Variants in ROBO2 observed in about 807,000 individuals in gnomAD.
The protein encoded by ROBO2 is roundabout guidance receptor 2.
In ROBO2, 53 loss-of-function variants were observed where a neutral mutation model predicts 160.8. The observed-to-expected ratio is 0.33, with a 90% CI of 0.26 to 0.41. The LOEUF is 0.41. Ranked by LOEUF, ROBO2 falls within the 10% of genes least tolerant of loss-of-function variation. The probability of loss-of-function intolerance (pLI) is 1.00; values close to 1 mark genes in which losing one functional copy is unlikely to be tolerated. For synonymous variants in ROBO2, 664 were observed against 611.7 expected, an observed-to-expected ratio of 1.09 and a Z score of -1.26; for missense variants, 1,577 against 1,722.4, an observed-to-expected ratio of 0.92 and a Z score of 1.49.
chr3:75,913,254 C>A (rs957851576), intron 1 of ROBO2, among the ~76,000 whole-genome samples: 1 of 152,146 alleles, frequency 6.6e-6, no homozygotes, highest in Non-Finnish European at 1.5e-5. Flanking sequence ...CCTGTGATTA[C>A]TTTGGACTCA....
intron 2 of ROBO2, among the ~76,000 whole-genome samples, chr3:76,985,575 GAAAAAAA>G (rs532632866): frequency 7.6e-4 from 20 of 26,372 alleles, no homozygotes; most frequent in Admixed American, 2.2e-3. Flanking sequence ...GACTCCGTCT[GAAAAAAA>G]AAAAAAAAAA....
intron 2 of ROBO2, among the ~76,000 whole-genome samples, chr3:76,558,688 A>C (rs1396204600): frequency 6.6e-6 from 1 of 152,148 alleles, no homozygotes. Context: ...TGATGCAAAC[A>C]AGTTTCTCAC....
chr3:77,275,969 A>G (rs1339172518), intron 2 of ROBO2, among the ~76,000 whole-genome samples: 2 of 152,152 alleles, frequency 1.3e-5, no homozygotes, highest in Non-Finnish European at 2.9e-5. Flanking sequence ...ATGACATCCA[A>G]TTGTTTTCCC....
intron 1 of ROBO2, among the ~76,000 whole-genome samples, chr3:75,907,709 GAGAA>G (rs1259412603): frequency 6.6e-6 from 1 of 152,180 alleles, no homozygotes; most frequent in Admixed American, 6.5e-5. Flanking sequence ...TTAACACTGA[GAGAA>G]AGGCAACTTT....
At chr3:76,007,100 G>T (rs1169490762) in intron 2 of ROBO2, among the ~76,000 whole-genome samples, 7 of 152,036 alleles carry the variant, frequency 4.6e-5, no homozygotes, top group Admixed American at 3.9e-4. Flanking sequence ...GTCAAATGAT[G>T]AGTTCAGTAT....
intron 2 of ROBO2, chr3:76,311,390 C>G (rs1242761489): frequency 1.3e-5 from 2 of 152,166 alleles, no homozygotes; most frequent in Admixed American, 1.3e-4. Context: ...GACCCGGACC[C>G]CCTGGAAAGG....
chr3:77,458,745 A>T (rs1412070940), intron 2 of ROBO2, among the ~76,000 whole-genome samples: 1 of 152,190 alleles, frequency 6.6e-6, no homozygotes, highest in Non-Finnish European at 1.5e-5. Context: ...ATAATAACTG[A>T]TTATAATGAA....
At chr3:77,583,199 A>G (rs2093964973) in intron 16 of ROBO2, among the ~76,000 whole-genome samples, 2 of 150,676 alleles carry the variant, frequency 1.3e-5, no homozygotes. Context: ...CAGTCCCCTC[A>G]GCTTCCATGA....
intron 2 of ROBO2, among the ~76,000 whole-genome samples, chr3:77,433,510 A>ATATATATATATATATATATATATATG (rs1553954820): frequency 1.5e-5 from 2 of 129,128 alleles, no homozygotes; most frequent in Non-Finnish European, 1.6e-5. Flanking sequence ...ATATATATAT[A>ATATATATATATATATATATATATATG]TATATATATT....
chr3:77,348,812 T>TGACTAAC (rs1171836074), intron 2 of ROBO2, among the ~76,000 whole-genome samples: 3 of 152,140 alleles, frequency 2.0e-5, no homozygotes, highest in Admixed American at 1.3e-4. Context: ...TCTCTCCTGT[T>TGACTAAC]AGTCTCTCCC....
Position 76,385,667 on chromosome 3 carries a change from T to C in ROBO2, c.109+448065T>C, listed in dbSNP as rs1576836973. On this transcript the variant is annotated intron_variant, in intron 2 of 26. Coordinates refer to the ROBO2 transcript ENST00000487694. Reference sequence around the variant, plus strand: ...AGGCTCTGAAAATCACACAGTCCACTCATTCTAATATTCATTTTTTTCATA... The same window carrying C: ...AGGCTCTGAAAATCACACAGTCCACCCATTCTAATATTCATTTTTTTCATA... Among the ~76,000 whole-genome samples the C allele has an allele frequency of 2.6e-5, 4 of 152,236 alleles. No homozygotes were observed. In the South Asian group the frequency reaches 8.3e-4, roughly 32 times the overall value.
intron 2 of ROBO2, among the ~76,000 whole-genome samples, chr3:76,330,515 T>C (rs2073401689): frequency 6.6e-6 from 1 of 152,190 alleles, no homozygotes; most frequent in South Asian, 2.1e-4. Flanking sequence ...AAGGAATTTT[T>C]CCCCCATTCT....
chr3:76,038,717 T>C (rs146036805), intron 2 of ROBO2, among the ~76,000 whole-genome samples: 1 of 152,024 alleles, frequency 6.6e-6, no homozygotes, highest in African/African-American at 2.4e-5. Flanking sequence ...TTAGTAGCCA[T>C]CTGACATTCT....
intron 2 of ROBO2, among the ~76,000 whole-genome samples, chr3:77,373,159 T>A (rs907625212): frequency 5.4e-5 from 8 of 147,284 alleles, no homozygotes; most frequent in African/African-American, 1.7e-4. Flanking sequence ...TATAAAATTA[T>A]TATTAAAATT....
intron 2 of ROBO2, among the ~76,000 whole-genome samples, chr3:76,808,024 A>C (rs181028917): frequency 1.3e-5 from 2 of 152,228 alleles, no homozygotes; most frequent in East Asian, 1.9e-4. Context: ...ATAGAAAATC[A>C]ATACGATGTT....
At chr3:76,310,986 T>G (rs2071553646) in intron 2 of ROBO2, 1 of 152,172 alleles carries the variant, frequency 6.6e-6, no homozygotes, top group South Asian at 2.1e-4. Context: ...GACATTACTG[T>G]TTTTATCATT....
At chr3:77,020,142 A>G (rs949369950) in intron 2 of ROBO2, among the ~76,000 whole-genome samples, 3 of 152,238 alleles carry the variant, frequency 2.0e-5, no homozygotes, top group Non-Finnish European at 2.9e-5. Flanking sequence ...TATTTAATAA[A>G]TGAAAACTGA....
At chr3:76,406,716 T>C (rs2075208264) in intron 2 of ROBO2, among the ~76,000 whole-genome samples, 1 of 151,962 alleles carries the variant, frequency 6.6e-6, no homozygotes, top group Non-Finnish European at 1.5e-5. Flanking sequence ...TAATCATTGT[T>C]TGCACAAATT....
chr3:76,137,476 T>G (rs2071473849), intron 2 of ROBO2, among the ~76,000 whole-genome samples: 1 of 152,038 alleles, frequency 6.6e-6, no homozygotes, highest in African/African-American at 2.4e-5. Flanking sequence ...ATTCAGATGA[T>G]TCTGATGTTA....
Sources: gnomAD v4.1 joint callset for allele counts (sites outside exome capture counted in the v4.1 genomes callset) on GRCh38, gnomAD v4.1.1 for gene constraint, MANE v1.5 for transcripts, NCBI Gene and HGNC (gene_info 2026-07-23, HGNC 2026-07-21) for gene names.